HUNK: variants seen among roughly 807,000 people sequenced by gnomAD.
The protein encoded by HUNK is hormonally up-regulated Neu-associated kinase.
In HUNK, 21 loss-of-function variants were observed where a neutral mutation model predicts 61.0. That is an observed-to-expected ratio of 0.34 (90% CI 0.24 to 0.50). The LOEUF (loss-of-function observed/expected upper bound fraction) is 0.50, where lower values mean the gene tolerates loss of function less well. HUNK is among the 20% of genes least tolerant of loss of function. HUNK has a pLI of 0.98. For missense variants in HUNK, 772 were observed against 945.7 expected, an observed-to-expected ratio of 0.82 and a Z score of 2.41; for synonymous variants, 371 against 386.1, an observed-to-expected ratio of 0.96 and a Z score of 0.46.
At chr21:31,987,109 A>G (rs1343261729) in intron 8 of HUNK, among the ~76,000 whole-genome samples, 1 of 152,248 alleles carries the variant, frequency 6.6e-6, no homozygotes, top group Non-Finnish European at 1.5e-5. Context: ...TCAGAGTCTC[A>G]GAAAATGGAT....
intron 1 of HUNK, among the ~76,000 whole-genome samples, chr21:31,911,440 A>G (rs11088192): frequency 0.39 from 59,106 of 151,952 alleles, 13,214 homozygotes; most frequent in African/African-American, 0.62. Flanking sequence ...TGTGGCCAAG[A>G]TCCCCAGGAG....
chr21:31,875,164 C>T (rs1476229152), intron 1 of HUNK, among the ~76,000 whole-genome samples: 3 of 152,230 alleles, frequency 2.0e-5, no homozygotes, highest in African/African-American at 4.8e-5. Flanking sequence ...GCCGAGCCCT[C>T]TGCCTTCCGA....
chr21:31,947,057 G>T (rs554436428), intron 4 of HUNK, among the ~76,000 whole-genome samples: 3,768 of 146,760 alleles, frequency 0.026, 66 homozygotes, highest in Non-Finnish European at 0.04. Context: ...CCACATCCCA[G>T]GCTCAAGCCA....
At chr21:31,974,438 AAACTC>A (rs2053034069) in intron 6 of HUNK, 112 bp from the exon 7 acceptor site, 1 of 965,448 alleles carries the variant, frequency 1.0e-6, no homozygotes, top group South Asian at 2.1e-5. Flanking sequence ...TTCAAAATAA[AAACTC>A]AAGTCAGTGA....
At chr21:31,993,093 G>T (rs1317985221) in intron 9 of HUNK, among the ~76,000 whole-genome samples, 1 of 152,164 alleles carries the variant, frequency 6.6e-6, no homozygotes, top group Non-Finnish European at 1.5e-5. Flanking sequence ...GGAATTTTCT[G>T]TCTGGGGGTG....
intron 4 of HUNK, among the ~76,000 whole-genome samples, chr21:31,957,295 G>A (rs771483502): frequency 2.2e-4 from 34 of 152,234 alleles, no homozygotes; most frequent in Non-Finnish European, 3.7e-4. Flanking sequence ...GGGGCAGAGA[G>A]CCATCCAGCA....
At chr21:31,992,111 G>A (rs566777100) in intron 9 of HUNK, among the ~76,000 whole-genome samples, 6 of 152,336 alleles carry the variant, frequency 3.9e-5, no homozygotes, top group Admixed American at 2.6e-4. Flanking sequence ...GGATCCTCAG[G>A]TGGAGCACCT....
intron 1 of HUNK, among the ~76,000 whole-genome samples, chr21:31,923,301 C>T (rs767331796): frequency 6.6e-6 from 1 of 151,722 alleles, no homozygotes; most frequent in Admixed American, 6.6e-5. Context: ...ATTAGCCAGC[C>T]GTGGTGGTGT....
chr21:31,982,957 C>T (rs2053108182), intron 7 of HUNK, among the ~76,000 whole-genome samples: 1 of 152,144 alleles, frequency 6.6e-6, no homozygotes, highest in African/African-American at 2.4e-5. Context: ...GCGTGTGCCA[C>T]CATGATTGGC....
chr21:31,992,941 G>T (rs2053181038), intron 9 of HUNK, among the ~76,000 whole-genome samples: 1 of 152,148 alleles, frequency 6.6e-6, no homozygotes. Flanking sequence ...TGAATTTCTT[G>T]ATTTCTCCTT....
intron 7 of HUNK, among the ~76,000 whole-genome samples, chr21:31,981,952 C>T (rs1000627646): frequency 5.9e-5 from 9 of 151,488 alleles, no homozygotes; most frequent in African/African-American, 1.5e-4. Context: ...TTAGGATGTG[C>T]AGGTTTGTTA....
intron 2 of HUNK, among the ~76,000 whole-genome samples, chr21:31,934,222 G>A (rs1456316323): frequency 2.0e-5 from 3 of 152,066 alleles, no homozygotes; most frequent in African/African-American, 7.2e-5. Flanking sequence ...TTGGGAGGCT[G>A]AGGCGGGCGG....
intron 9 of HUNK, among the ~76,000 whole-genome samples, chr21:31,992,351 A>T (rs946049105): frequency 1.3e-5 from 2 of 152,220 alleles, no homozygotes; most frequent in African/African-American, 4.8e-5. Flanking sequence ...GATCCTGGGT[A>T]AATGATTGTT....
chr21:31,976,816 G>A (rs2053053505), intron 7 of HUNK, among the ~76,000 whole-genome samples: 1 of 150,404 alleles, frequency 6.6e-6, no homozygotes, highest in Non-Finnish European at 1.5e-5. Context: ...TGTCACCCAG[G>A]CTAGAGTGCA....
chr21:31,898,027 A>G (rs960060215), intron 1 of HUNK, among the ~76,000 whole-genome samples: 3 of 152,196 alleles, frequency 2.0e-5, no homozygotes, highest in African/African-American at 7.2e-5. Flanking sequence ...TGCATTGCAG[A>G]GATACGACAG....
intron 3 of HUNK, among the ~76,000 whole-genome samples, chr21:31,940,560 G>A (rs1214606866): frequency 6.6e-6 from 1 of 152,180 alleles, no homozygotes; most frequent in Non-Finnish European, 1.5e-5. Flanking sequence ...CTTGGTGAAT[G>A]CAGGGATGCC....
intron 5 of HUNK, among the ~76,000 whole-genome samples, chr21:31,961,624 A>T (rs2052929464): frequency 6.6e-6 from 1 of 152,218 alleles, no homozygotes; most frequent in South Asian, 2.1e-4. Context: ...AGTACAAATA[A>T]GATGTGATGT....
chr21:31,922,263 C>A (rs534582994), intron 1 of HUNK, among the ~76,000 whole-genome samples: 1 of 151,814 alleles, frequency 6.6e-6, no homozygotes. Context: ...GTGATCCACC[C>A]GCCTTGGCCT....
chr21:31,999,453 T>G lies in HUNK; in HGVS notation c.*269T>G, dbSNP rs1014399993. 16 of 389,328 alleles carry G rather than the reference T, an allele frequency of 4.1e-5. No homozygotes were observed. Among genetic ancestry groups the G allele is most frequent in the East Asian group, 1.3e-4 (3 of 23,786 alleles). 24.1% of individuals were successfully genotyped at this position (389,328 alleles called of 1,614,324 possible). On this transcript the variant is annotated 3_prime_UTR_variant, in exon 11 of 11. Transcript: ENST00000270112. ...CCAAGTACTCACCAACCCCTTCCACTTCCCACTTCCCCCAGGCTTGGGGGG... is the reference window on the plus strand; with the variant it reads ...CCAAGTACTCACCAACCCCTTCCACGTCCCACTTCCCCCAGGCTTGGGGGG...
Sources: gnomAD v4.1 joint callset for allele counts (sites outside exome capture counted in the v4.1 genomes callset) on GRCh38, gnomAD v4.1.1 for gene constraint, MANE v1.5 for transcripts, NCBI Gene and HGNC (gene_info 2026-07-23, HGNC 2026-07-21) for gene names.